The following ASTN2 variants were observed in gnomAD, a reference collection of about 807,000 sequenced individuals.
ASTN2 encodes astrotactin 2.
ASTN2 carries 54 observed loss-of-function variants against 139.8 expected under a neutral mutation model. The observed-to-expected ratio is 0.39, with a 90% CI of 0.31 to 0.48. The LOEUF (loss-of-function observed/expected upper bound fraction) is 0.48, where lower values mean the gene tolerates loss of function less well. Ranked by LOEUF, ASTN2 falls within the 20% of genes least tolerant of loss-of-function variation. ASTN2 has a pLI of 0.95. For missense variants in ASTN2, 1,565 were observed against 1,725.1 expected (o/e 0.91, Z 1.64); for synonymous variants, 756 against 719.5 (o/e 1.05, Z -0.81).
chr9:117,145,902 C>G (rs949412373), intron 3 of ASTN2, among the ~76,000 whole-genome samples: 3 of 152,012 alleles, frequency 2.0e-5, no homozygotes, highest in African/African-American at 7.2e-5. Flanking sequence ...CTTCTTTCTT[C>G]TAAGCTGATA....
chr9:116,930,555 G>T (rs1834868769), intron 10 of ASTN2, among the ~76,000 whole-genome samples: 2 of 152,128 alleles, frequency 1.3e-5, no homozygotes, highest in Non-Finnish European at 2.9e-5. Flanking sequence ...GGTTATGCTG[G>T]TGTGGATTGA....
intron 5 of ASTN2, among the ~76,000 whole-genome samples, chr9:117,083,828 G>A (rs963571712): frequency 2.0e-5 from 3 of 152,026 alleles, no homozygotes; most frequent in South Asian, 2.1e-4. Context: ...CTTCGATGGC[G>A]GGCTGTCAGG....
At chr9:116,783,716 A>G (rs1410127645) in intron 13 of ASTN2, among the ~76,000 whole-genome samples, 3 of 152,152 alleles carry the variant, frequency 2.0e-5, no homozygotes, top group Non-Finnish European at 4.4e-5. Context: ...AAACTAAGCT[A>G]CTGCCTAAAC....
rs117730855 is a variant in ASTN2 at position 116,994,270 on chromosome 9, C to T, written c.1591+13822G>A. Among the ~76,000 whole-genome samples, 832 of 152,236 alleles carry T rather than the reference C, an allele frequency of 5.5e-3. 1 individual carries two copies. The highest frequency in any genetic ancestry group is 8.6e-3 in the Non-Finnish European group (587 of 68,024). On this transcript the variant is annotated intron_variant, in intron 7 of 22. Transcript: ENST00000313400. ...GCAATATGTAAGCTAATGAGCATGGCTGTGTTTAAATAAAAACTAATTTAC... is the reference window on the plus strand; with the variant it reads ...GCAATATGTAAGCTAATGAGCATGGTTGTGTTTAAATAAAAACTAATTTAC...
intron 5 of ASTN2, among the ~76,000 whole-genome samples, chr9:117,040,193 A>C (rs781181956): frequency 6.6e-6 from 1 of 152,204 alleles, no homozygotes; most frequent in Non-Finnish European, 1.5e-5. Flanking sequence ...TCCTTTGGGT[A>C]AGCATAAAAG....
chr9:116,626,871 G>A (rs549471492), intron 17 of ASTN2, among the ~76,000 whole-genome samples: 2 of 152,246 alleles, frequency 1.3e-5, no homozygotes, highest in African/African-American at 4.8e-5. Flanking sequence ...CAGAAATAGA[G>A]GTTTCTAACC....
chr9:116,470,851 A>G (rs1848789995), intron 20 of ASTN2, among the ~76,000 whole-genome samples: 1 of 152,176 alleles, frequency 6.6e-6, no homozygotes, highest in Non-Finnish European at 1.5e-5. Context: ...ATATTTCATA[A>G]TGCCAATGCT....
At chr9:116,941,733 A>G (rs1835236245) in intron 10 of ASTN2, among the ~76,000 whole-genome samples, 1 of 152,200 alleles carries the variant, frequency 6.6e-6, no homozygotes, top group Non-Finnish European at 1.5e-5. Flanking sequence ...TAAGCAATTA[A>G]TATGGAACCA....
At chr9:117,176,874 T>C (rs1392134828) in intron 3 of ASTN2, among the ~76,000 whole-genome samples, 1 of 152,174 alleles carries the variant, frequency 6.6e-6, no homozygotes, top group Non-Finnish European at 1.5e-5. Context: ...CAGTGAGCTA[T>C]GATCACACCA....
chr9:117,170,443 A>G (rs1208935578), intron 3 of ASTN2, among the ~76,000 whole-genome samples: 2 of 152,168 alleles, frequency 1.3e-5, no homozygotes, highest in South Asian at 4.1e-4. Context: ...GATTCAATGA[A>G]GAAGGAAGAC....
chr9:116,478,232 GGGGAGGGA>G (rs1204435176), intron 20 of ASTN2, among the ~76,000 whole-genome samples: 2 of 103,418 alleles, frequency 1.9e-5, no homozygotes, highest in Admixed American at 9.7e-5. Flanking sequence ...GGGAGTAAGG[GGGGAGGGA>G]GGGAGGGAGG....
intron 10 of ASTN2, among the ~76,000 whole-genome samples, chr9:116,932,581 T>G (rs140643871): frequency 6.6e-6 from 1 of 152,042 alleles, no homozygotes; most frequent in Non-Finnish European, 1.5e-5. Context: ...GAGAGTTACA[T>G]GCATGTGCCC....
chr9:116,482,122 C>G lies in ASTN2; in HGVS notation c.3497+5237G>C, dbSNP rs540732570. On this transcript the variant is annotated intron_variant, in intron 20 of 22. Transcript: ENST00000313400. ...CAGGCGGATCACAAGGTCAAGAGATCGAGACCATCCTGGCTAACACGGTGA... is the reference window on the plus strand; with the variant it reads ...CAGGCGGATCACAAGGTCAAGAGATGGAGACCATCCTGGCTAACACGGTGA... Among the ~76,000 whole-genome samples the G allele has an allele frequency of 3.3e-5, 5 of 152,194 alleles. No homozygotes were observed. In the South Asian group the frequency reaches 8.3e-4, roughly 25 times the overall value.
chr9:116,433,866 C>T (rs10817891), intron 22 of ASTN2, among the ~76,000 whole-genome samples: 141,071 of 152,304 alleles, frequency 0.93, 65,358 homozygotes, highest in East Asian at 0.97. Context: ...CATTTGCTTT[C>T]TCTTTTCATC....
At chr9:116,740,941 C>A (rs1829083261) in intron 13 of ASTN2, among the ~76,000 whole-genome samples, 1 of 151,514 alleles carries the variant, frequency 6.6e-6, no homozygotes, top group Non-Finnish European at 1.5e-5. Flanking sequence ...TTTGTTGAAC[C>A]ATGTGTAATA....
intron 7 of ASTN2, among the ~76,000 whole-genome samples, chr9:116,985,399 C>T (rs989082499): frequency 9.2e-5 from 14 of 152,226 alleles, no homozygotes; most frequent in Admixed American, 7.8e-4. Context: ...ATCAACGCTA[C>T]ATGGGGGCTA....
chr9:117,033,106 C>T (rs1255865360), intron 6 of ASTN2, among the ~76,000 whole-genome samples: 1 of 152,162 alleles, frequency 6.6e-6, no homozygotes, highest in Non-Finnish European at 1.5e-5. Flanking sequence ...TGGTGACACT[C>T]TGTGTGAAGT....
At position 116,820,762 on chromosome 9, in the gene ASTN2, T is replaced by G; in HGVS notation, c.2062A>C (p.Met688Leu). Reference sequence around the variant, plus strand: ...TCGTAGCAGCCAGAGCCATCCTTCATGGGTTTCAGCTCCTCAGGGCACTGC... The same window carrying G: ...TCGTAGCAGCCAGAGCCATCCTTCAGGGGTTTCAGCTCCTCAGGGCACTGC... Reference protein sequence around the residue: ...GCVCPEELKPMKDGSGCYDHS... With the variant: ...GCVCPEELKPLKDGSGCYDHS... The change falls in exon 12 of 23, where the codon ATG becomes CTG. Residue 688 changes from methionine (M) to leucine (L), a missense_variant. Met to Leu is a conservative substitution (Grantham distance 15, BLOSUM62 2). This residue lies in a region of ASTN2 where 503 missense variants were observed against 591.7 expected (regional missense o/e 0.85). Coordinates refer to ENST00000313400, the MANE Select transcript of ASTN2 (RefSeq NM_001365068.1). 1.1e-5 allele frequency: 18 copies of G among 1,614,044 alleles called. No homozygotes were observed. Among genetic ancestry groups the G allele is most frequent in the Non-Finnish European group, 1.5e-5 (18 of 1,179,926 alleles).
chr9:116,556,922 G>A (rs62574416), intron 19 of ASTN2, among the ~76,000 whole-genome samples: 24,138 of 151,966 alleles, frequency 0.16, 2,085 homozygotes, highest in African/African-American at 0.21. Context: ...AGATGGAGAG[G>A]TATGTTAATA....
Sources: allele counts gnomAD v4.1 joint callset (sites outside exome capture counted in the v4.1 genomes callset), GRCh38; gene constraint gnomAD v4.1.1; regional missense constraint gnomAD v4.1.1; transcripts MANE v1.5; gene names NCBI Gene and HGNC (gene_info 2026-07-23, HGNC 2026-07-21).